STAT4: variants seen among roughly 807,000 people sequenced by gnomAD.
STAT4 encodes the protein signal transducer and activator of transcription 4.
In STAT4, 42 loss-of-function variants were observed where a neutral mutation model predicts 110.5. The observed-to-expected ratio is 0.38, with a 90% confidence interval of 0.30 to 0.49. The LOEUF is 0.49. Among genes scored for constraint, STAT4 ranks in the 20% least tolerant of loss-of-function variants. The pLI is 0.95. For synonymous variants in STAT4, 284 were observed against 302.2 expected (o/e 0.94, Z 0.63); for missense variants, 632 against 887.9 (o/e 0.71, Z 3.66).
In STAT4 at chr2:191,051,721, G is replaced by A. The variant is rs376805641; in HGVS notation, c.1251+2769C>T. Among the ~76,000 whole-genome samples, 33 of 152,300 alleles carry A rather than the reference G, an allele frequency of 2.2e-4. No homozygotes were observed. Among genetic ancestry groups the A allele is most frequent in the African/African-American group, 6.7e-4 (28 of 41,564 alleles). On this transcript the variant is annotated intron_variant, in intron 14 of 23. Transcript: ENST00000392320. This position sits in a 1 kb window ranked among gnomAD's most constrained non-coding sequence, Gnocchi z 5.6. ...GGGCAGTAGGAGTGCCAACCAGCTCGCCTCTCCCAGGGAAGGTTCTGCGAC... is the reference window on the plus strand; with the variant it reads ...GGGCAGTAGGAGTGCCAACCAGCTCACCTCTCCCAGGGAAGGTTCTGCGAC...
chr2:191,138,408 G>A lies in STAT4; in HGVS notation c.273+8205C>T, dbSNP rs369034932. Among the ~76,000 whole-genome samples the A allele has an allele frequency of 2.0e-5, 3 of 151,994 alleles. No individual in the cohort carries two copies. The highest frequency in any genetic ancestry group is 2.1e-4 in the South Asian group (1 of 4,816). ...GAAGATCCAAATAAGATTTCATTTC[G>A]CATCGAGAAATGAAACTACAGCCAA... On this transcript the variant is annotated intron_variant, in intron 3 of 23. Coordinates refer to ENST00000392320, the MANE Select transcript of STAT4 (RefSeq NM_003151.4). The surrounding 1 kb of genome is among the most constrained non-coding windows in gnomAD (Gnocchi z 4.3).
At chr2:191,057,606 T>A (rs1364031171) in intron 13 of STAT4, among the ~76,000 whole-genome samples, 8 of 148,404 alleles carry the variant, frequency 5.4e-5, no homozygotes, top group African/African-American at 2.0e-4. Flanking sequence ...CTTTTTCTTT[T>A]TTTTTTTTTT....
chr2:191,141,091 T>G lies in STAT4; in HGVS notation c.273+5522A>C, dbSNP rs1427170142. Among the ~76,000 whole-genome samples, 3 of 149,072 alleles carry G rather than the reference T, an allele frequency of 2.0e-5. No individual in the cohort carries two copies. In the East Asian group the frequency reaches 5.9e-4, roughly 30 times the overall value. On this transcript the variant is annotated intron_variant, in intron 3 of 23. Transcript: ENST00000392320. ...ACTTTGGGGACTTGTGGGGGAAGGT[T>G]GGGAGCGGGGGGTGAGGGATAAAAG...
At position 191,147,985 on chromosome 2, in the gene STAT4, T is replaced by C. The variant is rs150439323; in HGVS notation, c.128+91A>G. The C allele has an allele frequency of 3.8e-5, 59 of 1,554,444 alleles. No individual in the cohort carries two copies. The East Asian group carries it at 1.0e-3, about 27-fold the overall frequency. On this transcript the variant is annotated intron_variant, in intron 2 of 23. Transcript: ENST00000392320. This position sits in a 1 kb window ranked among gnomAD's most constrained non-coding sequence, Gnocchi z 4.1. ...CTTTACCTGAAAAGAATGCATCTAC[T>C]GAGTAAAAAGTGGACCATAAAATAA...
At chr2:191,131,884 G>A in intron 3 of STAT4, 3 of 1,447,320 alleles carry the variant, frequency 2.1e-6, no homozygotes, top group Non-Finnish European at 2.7e-6. Flanking sequence ...CAGCTGTGCT[G>A]TAGCCAACCC....
chr2:191,134,899 T>G (rs1226664980), intron 3 of STAT4, among the ~76,000 whole-genome samples: 2 of 151,272 alleles, frequency 1.3e-5, no homozygotes, highest in Non-Finnish European at 2.9e-5. Flanking sequence ...AAACAACATA[T>G]CCAAATCTAT....
chr2:191,149,173 C>T (rs1473316394), intron 1 of STAT4, among the ~76,000 whole-genome samples: 2 of 152,100 alleles, frequency 1.3e-5, no homozygotes, highest in East Asian at 1.9e-4. Context: ...ACACCAAACC[C>T]CCTTTTACAT....
rs535076663 is a variant in STAT4 at position 191,145,067 on chromosome 2, G to A, written c.273+1546C>T. On this transcript the variant is annotated intron_variant, in intron 3 of 23. Coordinates refer to ENST00000392320, the MANE Select transcript of STAT4 (RefSeq NM_003151.4). ...AGAGTTAGCAAACTTTCCTATAAAA[G>A]GCCAGATAAATGTGATATACATATA... Among the ~76,000 whole-genome samples the A allele has an allele frequency of 2.0e-5, 3 of 152,078 alleles. No homozygotes were observed. The South Asian group carries it at 6.2e-4, about 32-fold the overall frequency.
intron 3 of STAT4, among the ~76,000 whole-genome samples, chr2:191,127,486 C>G (rs1208557622): frequency 6.6e-6 from 1 of 152,186 alleles, no homozygotes; most frequent in Non-Finnish European, 1.5e-5. Context: ...CGGTGCTTAC[C>G]ACACTACATC....
chr2:191,150,595 A>G lies in STAT4; in HGVS notation c.-2+352T>C, dbSNP rs1699568924. On this transcript the variant is annotated intron_variant, in intron 1 of 23. Coordinates refer to ENST00000392320, the MANE Select transcript of STAT4 (RefSeq NM_003151.4). The surrounding 1 kb of genome is among the most constrained non-coding windows in gnomAD (Gnocchi z 6.4). Reference sequence around the variant, plus strand: ...TTCTGAAATCCAGGTACGCTAATCTAAAGTCAGACATCACAGCTCTAGAGA... The same window carrying G: ...TTCTGAAATCCAGGTACGCTAATCTGAAGTCAGACATCACAGCTCTAGAGA... 6.6e-6 allele frequency among the ~76,000 whole-genome samples: 1 copy of G among 152,184 alleles called. No individual in the cohort carries two copies. Among genetic ancestry groups the G allele is most frequent in the Admixed American group, 6.5e-5 (1 of 15,286 alleles).
upstream of STAT4, chr2:191,151,593 C>T: frequency 1.0e-6 from 1 of 985,592 alleles, no homozygotes; most frequent in Non-Finnish European, 1.2e-6. This position sits in a 1 kb window ranked among gnomAD's most constrained non-coding sequence, Gnocchi z 4.7. Flanking sequence ...GTAGCCTTGC[C>T]CCTGGTTGCT....
At chr2:191,123,615 C>A (rs186347046) in intron 3 of STAT4, among the ~76,000 whole-genome samples, 76 of 152,314 alleles carry the variant, frequency 5.0e-4, no homozygotes, top group Middle Eastern at 3.4e-3. Flanking sequence ...GAACACCATA[C>A]CTTAAACATG....
chr2:191,057,323 T>C (rs1036317042), intron 13 of STAT4, among the ~76,000 whole-genome samples: 2 of 152,216 alleles, frequency 1.3e-5, no homozygotes, highest in Admixed American at 1.3e-4. Flanking sequence ...ATTCCATCCA[T>C]GTTGCTGCGT....
In STAT4 at chr2:191,035,768, G is replaced by A. The variant is rs3024884; in HGVS notation, c.1570+396C>T. Reference sequence around the variant, plus strand: ...TGTCAATTGAGACGTTCGTATGAACGATCATATGAGGCACCATTAAGGGTT... The same window carrying A: ...TGTCAATTGAGACGTTCGTATGAACAATCATATGAGGCACCATTAAGGGTT... On this transcript the variant is annotated intron_variant, in intron 17 of 23. Transcript: ENST00000392320. This position sits in a 1 kb window ranked among gnomAD's most constrained non-coding sequence, Gnocchi z 4.7. Among the ~76,000 whole-genome samples, 1 of 152,210 alleles carries A rather than the reference G, an allele frequency of 6.6e-6. No homozygotes were observed. Among genetic ancestry groups the A allele is most frequent in the Admixed American group, 6.5e-5 (1 of 15,286 alleles).
In STAT4 at chr2:191,053,484, T is replaced by C. The variant is rs1289595697; in HGVS notation, c.1251+1006A>G. Among the ~76,000 whole-genome samples the C allele has an allele frequency of 1.3e-5, 2 of 152,220 alleles. No homozygotes were observed. The highest frequency in any genetic ancestry group is 2.4e-5 in the African/African-American group (1 of 41,454). ...TGCCTTAGTTTCGAGGTCAGCTCAATAGATGTTCTCCAAGGTCATGTCCAG... is the reference window on the plus strand; with the variant it reads ...TGCCTTAGTTTCGAGGTCAGCTCAACAGATGTTCTCCAAGGTCATGTCCAG... On this transcript the variant is annotated intron_variant, in intron 14 of 23. Transcript: ENST00000392320. The surrounding 1 kb of genome is among the most constrained non-coding windows in gnomAD (Gnocchi z 4.5).
chr2:191,098,523 A>C (rs955856915), intron 3 of STAT4, among the ~76,000 whole-genome samples: 37 of 152,300 alleles, frequency 2.4e-4, no homozygotes, highest in African/African-American at 8.2e-4. Context: ...ACAGAAAACC[A>C]AACACCACAT....
rs1696756781 is a variant in STAT4 at position 191,058,141 on chromosome 2, G to A, written c.1113-30C>T. ...AGAGGAAATCTTAGCTATTTACATG[G>A]TCTCAGGTAAAATAAATTTACAAGA... On this transcript the variant is annotated intron_variant, in intron 12 of 23. Coordinates refer to ENST00000392320, the MANE Select transcript of STAT4 (RefSeq NM_003151.4). This position sits in a 1 kb window ranked among gnomAD's most constrained non-coding sequence, Gnocchi z 4.3. 1.9e-6 allele frequency: 3 copies of A among 1,612,112 alleles called. No individual in the cohort carries two copies. In the East Asian group the frequency reaches 6.7e-5, roughly 36 times the overall value.
Position 191,041,059 on chromosome 2 carries a change from A to G in STAT4, c.1335+6T>C, listed in dbSNP as rs955104336. The G allele has an allele frequency of 1.4e-6, 2 of 1,436,402 alleles. No homozygotes were observed. The highest frequency in any genetic ancestry group is 5.1e-5 in the Admixed American group (2 of 39,576). The allele number at this position is 1,436,402 out of a possible 1,614,324, so 89.0% of individuals were successfully genotyped here. A position where few individuals can be genotyped will look rare whatever the true frequency, so the allele number is the denominator to read the frequency against. On this transcript the variant is annotated splice_donor_region_variant and intron_variant, in intron 15 of 23. Coordinates refer to ENST00000392320, the MANE Select transcript of STAT4 (RefSeq NM_003151.4). ...AGTAAATAGTGTATGTTCTTGAAAC[A>G]CCTACCTCCAAATCTATGGTCAGGC...
chr2:191,109,848 C>T (rs1360299378), intron 3 of STAT4, among the ~76,000 whole-genome samples: 2 of 152,160 alleles, frequency 1.3e-5, no homozygotes, highest in Non-Finnish European at 2.9e-5. Flanking sequence ...CCAAGGGTCC[C>T]ATGATGGGGC....
Sources: gnomAD v4.1 joint callset for allele counts (sites outside exome capture counted in the v4.1 genomes callset) on GRCh38, gnomAD v4.1.1 for gene constraint, Gnocchi (gnomAD v3.1) non-coding constraint, MANE v1.5 for transcripts, NCBI Gene and HGNC (gene_info 2026-07-23, HGNC 2026-07-21) for gene names.